The following CLSTN1 variants were observed in gnomAD, a reference collection of about 807,000 sequenced individuals.
The protein encoded by CLSTN1 is calsyntenin-1.
CLSTN1 carries 28 observed loss-of-function variants against 108.3 expected under a neutral mutation model. That is an observed-to-expected ratio of 0.26 (90% CI 0.19 to 0.35). CLSTN1 has a LOEUF of 0.35. CLSTN1 is among the 10% of genes least tolerant of loss of function. The pLI is 1.00. For missense variants in CLSTN1, 1,157 were observed against 1,302.6 expected, an observed-to-expected ratio of 0.89 and a Z score of 1.72; for synonymous variants, 524 against 534.9, an observed-to-expected ratio of 0.98 and a Z score of 0.28.
intron 1 of CLSTN1, among the ~76,000 whole-genome samples, chr1:9,804,110 C>A (rs1481084099): frequency 3.9e-5 from 6 of 152,136 alleles, no homozygotes; most frequent in Admixed American, 6.5e-5. Context: ...CGCCTGTAAT[C>A]CCAGCACTTT....
intron 1 of CLSTN1, among the ~76,000 whole-genome samples, chr1:9,818,320 T>TTTTTTG (rs543403727): frequency 4.0e-5 from 6 of 151,346 alleles, no homozygotes; most frequent in African/African-American, 1.5e-4. Context: ...GTTTGGGTTT[T>TTTTTTG]TTTTTGTTTT....
chr1:9,730,632 T>G lies in CLSTN1; in HGVS notation c.2822A>C (p.Glu941Ala). 1 of 1,610,416 alleles carries G rather than the reference T, an allele frequency of 6.2e-7. No individual in the cohort carries two copies. The highest frequency in any genetic ancestry group is 8.5e-7 in the Non-Finnish European group (1 of 1,179,874). Residue 941 changes from glutamate (E) to alanine (A), a missense_variant, in exon 19 of 19, where the codon GAA becomes GCA. Transcript: ENST00000377298. The surrounding 1 kb of genome is among the most constrained non-coding windows in gnomAD (Gnocchi z 5.6). ...EEEEESEDGE[E>A]EDDITSAESE... is the part of the protein sequence containing the mutation. ...CTCGGCGCTGGTGATGTCATCCTCT[T>G]CTTCGCCGTCCTCGCTTTCCTCTTC...
chr1:9,760,929 C>T (rs1035078009), intron 2 of CLSTN1, among the ~76,000 whole-genome samples: 1 of 152,116 alleles, frequency 6.6e-6, no homozygotes, highest in African/African-American at 2.4e-5. Flanking sequence ...ACTCAAACAA[C>T]CTCATCCGTT....
intron 2 of CLSTN1, among the ~76,000 whole-genome samples, chr1:9,766,740 A>G (rs1652355151): frequency 6.6e-6 from 1 of 152,246 alleles, no homozygotes; most frequent in Non-Finnish European, 1.5e-5. Flanking sequence ...ATTAAAGAGA[A>G]GGCGCAGAAC....
In CLSTN1 at chr1:9,737,515, A is replaced by T; in HGVS notation, c.1559T>A (p.Val520Glu). The T allele has an allele frequency of 6.2e-7, 1 of 1,614,104 alleles. No homozygotes were observed. The highest frequency in any genetic ancestry group is 8.5e-7 in the Non-Finnish European group (1 of 1,179,944). Residue 520 changes from valine to glutamate, a missense_variant, in exon 11 of 19, where the codon GTG (valine) becomes GAG (glutamate). Transcript: ENST00000377298. ...GVENDNETEP[V>E]TVASAGGDLH... ...CCAGCAACCTGCAGAGGCCACAGTC[A>T]CAGGCTCAGTTTCATTGTCATTTTC...
intron 10 of CLSTN1, among the ~76,000 whole-genome samples, chr1:9,739,486 A>C (rs1039363615): frequency 1.3e-5 from 2 of 152,200 alleles, no homozygotes; most frequent in Non-Finnish European, 2.9e-5. Context: ...GTAGATTAAT[A>C]AGAAGGGATC....
chr1:9,749,745 G>A lies in CLSTN1; in HGVS notation c.799+19C>T. 6.2e-7 allele frequency: 1 copy of A among 1,613,738 alleles called. No individual in the cohort carries two copies. The highest frequency in any genetic ancestry group is 1.7e-5 in the Admixed American group (1 of 59,942). ...GTTTTAAGAGCAGATGTGAGCGCAG[G>A]GGAGAGAATGAAGCTCACCTTGCCA... On this transcript the variant is annotated intron_variant, in intron 6 of 18. Coordinates refer to ENST00000377298, the MANE Select transcript of CLSTN1 (RefSeq NM_001009566.3).
chr1:9,791,459 T>C (rs151080161), intron 1 of CLSTN1, among the ~76,000 whole-genome samples: 1 of 151,580 alleles, frequency 6.6e-6, no homozygotes, highest in African/African-American at 2.4e-5. Flanking sequence ...GTCTCGAACT[T>C]CTGGGCTCAA....
In CLSTN1 at chr1:9,735,562, C is replaced by A. The variant is rs780714588; in HGVS notation, c.1788G>T (p.Gly596=). The A allele has an allele frequency of 5.6e-6, 9 of 1,613,964 alleles. No homozygotes were observed. The highest frequency in any genetic ancestry group is 5.9e-6 in the Non-Finnish European group (7 of 1,180,030). The change falls in exon 13 of 19, where the codon GGG becomes GGT. Residue 596 remains glycine (G), a synonymous_variant. Transcript: ENST00000377298. The part of the protein sequence containing the change: ...LVLTLEGEDL[G]ELDKAMQHIS... ...TGTGCTGCATGGCCTTATCCAATTC[C>A]CCGAGGTCTTCTCCCTCCAAGGTCA...
chr1:9,797,600 T>A (rs900814483), intron 1 of CLSTN1, among the ~76,000 whole-genome samples: 4 of 151,892 alleles, frequency 2.6e-5, no homozygotes, highest in African/African-American at 7.3e-5. Flanking sequence ...ATGATTATGC[T>A]ACTGCACCCC....
intron 2 of CLSTN1, among the ~76,000 whole-genome samples, chr1:9,769,615 A>T (rs1652566896): frequency 6.6e-6 from 1 of 152,156 alleles, no homozygotes; most frequent in African/African-American, 2.4e-5. Context: ...GGAGTGAAGG[A>T]GACTGAGGGA....
intron 1 of CLSTN1, among the ~76,000 whole-genome samples, chr1:9,813,254 T>C (rs1432531515): frequency 3.3e-5 from 5 of 151,122 alleles, no homozygotes; most frequent in South Asian, 2.1e-4. Context: ...TCCTAGCACT[T>C]TGGGAGGCTG....
At chr1:9,778,345 C>CTA (rs1357807438) in intron 1 of CLSTN1, among the ~76,000 whole-genome samples, 3 of 151,864 alleles carry the variant, frequency 2.0e-5, no homozygotes, top group African/African-American at 7.3e-5. Flanking sequence ...CATGCAGGAA[C>CTA]TATTTGGGAA....
intron 1 of CLSTN1, among the ~76,000 whole-genome samples, chr1:9,817,130 G>A (rs551343865): frequency 6.6e-6 from 1 of 152,330 alleles, no homozygotes; most frequent in East Asian, 1.9e-4. Flanking sequence ...TCTTTGAGAG[G>A]ATGAGGTGGG....
chr1:9,750,353 G>C (rs1419468095), intron 5 of CLSTN1, among the ~76,000 whole-genome samples: 1 of 152,146 alleles, frequency 6.6e-6, no homozygotes, highest in Admixed American at 6.5e-5. Flanking sequence ...GGTGAGTATA[G>C]ATCTCTGGAA....
In CLSTN1 at chr1:9,741,156, T is replaced by G; in HGVS notation, c.1457A>C (p.Glu486Ala). The change falls in exon 10 of 19, where the codon GAG becomes GCG. Residue 486 changes from glutamate to alanine, a missense_variant. Coordinates refer to ENST00000377298, the MANE Select transcript of CLSTN1 (RefSeq NM_001009566.3). ...GTSHEPFSVTEDYPLHPSKIE... is the reference protein window; with the variant it reads ...GTSHEPFSVTADYPLHPSKIE... Reference sequence around the variant, plus strand: ...CTTGGATGGATGGAGCGGGTAATCCTCAGTCACAGAGAAGGGCTCGTGGGA... The same window carrying G: ...CTTGGATGGATGGAGCGGGTAATCCGCAGTCACAGAGAAGGGCTCGTGGGA... The G allele has an allele frequency of 1.9e-6, 3 of 1,614,072 alleles. No homozygotes were observed. Among genetic ancestry groups the G allele is most frequent in the Non-Finnish European group, 2.5e-6 (3 of 1,179,990 alleles).
chr1:9,806,650 C>G (rs938696587), intron 1 of CLSTN1, among the ~76,000 whole-genome samples: 8 of 152,132 alleles, frequency 5.3e-5, no homozygotes, highest in African/African-American at 1.9e-4. Context: ...GAGGCCGAGG[C>G]AGGTGGATCA....
intron 4 of CLSTN1, among the ~76,000 whole-genome samples, chr1:9,752,797 G>A (rs1204872104): frequency 6.6e-6 from 1 of 152,160 alleles, no homozygotes; most frequent in Non-Finnish European, 1.5e-5. Context: ...TGGAGGTGGA[G>A]GTTGCAGTGA....
intron 1 of CLSTN1, among the ~76,000 whole-genome samples, chr1:9,780,347 T>C (rs1203669930): frequency 6.6e-6 from 1 of 152,190 alleles, no homozygotes; most frequent in Non-Finnish European, 1.5e-5. Flanking sequence ...TGAATTTATG[T>C]CTTTATTTAG....
Sources: allele counts gnomAD v4.1 joint callset (sites outside exome capture counted in the v4.1 genomes callset), GRCh38; gene constraint gnomAD v4.1.1; non-coding constraint Gnocchi (gnomAD v3.1); transcripts MANE v1.5; gene names NCBI Gene and HGNC (gene_info 2026-07-23, HGNC 2026-07-21).